RAP1B: variants seen among roughly 807,000 people sequenced by gnomAD.
RAP1B encodes the protein RAP1B, member of RAS oncogene family, also known as ras-related protein Rap-1b.
A neutral mutation model predicts 27.5 loss-of-function variants in RAP1B; 1 was observed. The observed-to-expected ratio is 0.04, with a 90% CI of 0.01 to 0.17. The LOEUF (loss-of-function observed/expected upper bound fraction) is 0.17. RAP1B is among the 10% of genes least tolerant of loss of function. The pLI, the probability that RAP1B is intolerant of heterozygous loss-of-function variation, is 1.00. For missense variants in RAP1B, 84 were observed against 214.8 expected, an observed-to-expected ratio of 0.39 and a Z score of 3.81; for synonymous variants, 75 against 73.1, an observed-to-expected ratio of 1.03 and a Z score of -0.13.
At position 68,616,537 on chromosome 12, in the gene RAP1B, C is replaced by G. The variant is rs578238818; in HGVS notation, c.-27+5494C>G. Reference sequence around the variant, plus strand: ...TCTCAGCTCACTGCAACCTCCGCCTCCAGGTTCAAGCAGATCTCCTGCCTT... The same window carrying G: ...TCTCAGCTCACTGCAACCTCCGCCTGCAGGTTCAAGCAGATCTCCTGCCTT... On this transcript the variant is annotated intron_variant, in intron 1 of 7. Coordinates refer to ENST00000250559, the MANE Select transcript of RAP1B (RefSeq NM_001010942.3). 6.3e-4 allele frequency among the ~76,000 whole-genome samples: 95 copies of G among 150,586 alleles called. 1 individual carries two copies. The highest frequency in any genetic ancestry group is 1.1e-3 in the Non-Finnish European group (75 of 67,750).
intron 1 of RAP1B, among the ~76,000 whole-genome samples, chr12:68,618,781 T>TA: frequency 6.6e-6 from 1 of 152,084 alleles, no homozygotes; most frequent in East Asian, 1.9e-4. Context: ...GATGAAGAAG[T>TA]AAAAAAATTT....
At chr12:68,648,353 T>C (rs1873568339) in intron 1 of RAP1B, among the ~76,000 whole-genome samples, 1 of 152,258 alleles carries the variant, frequency 6.6e-6, no homozygotes, top group African/African-American at 2.4e-5. Flanking sequence ...TAGGCTCTGT[T>C]GTAACTACTT....
intron 1 of RAP1B, among the ~76,000 whole-genome samples, chr12:68,639,134 A>G (rs1224206419): frequency 6.6e-6 from 1 of 152,206 alleles, no homozygotes; most frequent in Admixed American, 6.5e-5. Flanking sequence ...TTGTTGGTTT[A>G]TACAATATTC....
At chr12:68,656,028 A>C (rs532003879) in intron 5 of RAP1B, among the ~76,000 whole-genome samples, 137 of 152,298 alleles carry the variant, frequency 9.0e-4, no homozygotes, top group Non-Finnish European at 1.1e-3. Context: ...CATTTTACTT[A>C]ACATATGAGA....
rs1366176570 is a variant in RAP1B at position 68,661,869 on chromosome 12, C to A, written c.*2620C>A. ...GAATATAAAGTTTGGAGCCAGACTTCCTGGGTTTTTAATCCCAGCTCTTCC... is the reference window on the plus strand; with the variant it reads ...GAATATAAAGTTTGGAGCCAGACTTACTGGGTTTTTAATCCCAGCTCTTCC... On this transcript the variant is annotated 3_prime_UTR_variant, in exon 8 of 8. Transcript: ENST00000250559. 2.0e-5 allele frequency: 3 copies of A among 151,844 alleles called. No individual in the cohort carries two copies. The highest frequency in any genetic ancestry group is 6.6e-5 in the Admixed American group (1 of 15,246). The allele number at this position is 151,844 out of a possible 1,614,324, so 9.4% of individuals were successfully genotyped here. A position where few individuals can be genotyped will look rare whatever the true frequency, so the allele number is the denominator to read the frequency against.
intron 5 of RAP1B, among the ~76,000 whole-genome samples, chr12:68,655,802 C>T (rs1439919715): frequency 1.3e-5 from 2 of 152,218 alleles, no homozygotes; most frequent in African/African-American, 4.8e-5. Flanking sequence ...TCCCAAAGTG[C>T]TGGGATTACA....
rs1875087013 is a variant in RAP1B, at chr12:68,671,363, G to A, written c.*12114G>A. 6.6e-6 allele frequency: 1 copy of A among 152,186 alleles called. No homozygotes were observed. The highest frequency in any genetic ancestry group is 3.4e-3 in the Middle Eastern group (1 of 296). The allele number at this position is 152,186 out of a possible 1,614,324, so 9.4% of individuals were successfully genotyped here. A position where few individuals can be genotyped will look rare whatever the true frequency, so the allele number is the denominator to read the frequency against. On this transcript the variant is annotated 3_prime_UTR_variant, in exon 8 of 8. Coordinates refer to ENST00000250559, the MANE Select transcript of RAP1B (RefSeq NM_001010942.3). ...GATATCTACACCAAGGAAATGAAAG[G>A]AAATGCACAAGATTATTTATTGCCA...
At chr12:68,616,370 C>G (rs1040045901) in intron 1 of RAP1B, among the ~76,000 whole-genome samples, 2 of 151,734 alleles carry the variant, frequency 1.3e-5, no homozygotes, top group African/African-American at 4.8e-5. Flanking sequence ...CCACAGCCTC[C>G]GCCTCCAGGG....
rs1458521551 is a variant in RAP1B, at chr12:68,665,917, G to A, written c.*6668G>A. 3 of 151,434 alleles carry A rather than the reference G, an allele frequency of 2.0e-5. No individual in the cohort carries two copies. Among genetic ancestry groups the A allele is most frequent in the Non-Finnish European group, 4.4e-5 (3 of 68,038 alleles). 9.4% of individuals were successfully genotyped at this position (151,434 alleles called of 1,614,324 possible). On this transcript the variant is annotated 3_prime_UTR_variant, in exon 8 of 8. Coordinates refer to ENST00000250559, the MANE Select transcript of RAP1B (RefSeq NM_001010942.3). ...CACCCAGGCTGGTGTGCAGTGGCGCGATCTCGGCTCACTGCAACCTCCGCC... is the reference window on the plus strand; with the variant it reads ...CACCCAGGCTGGTGTGCAGTGGCGCAATCTCGGCTCACTGCAACCTCCGCC...
chr12:68,632,125 A>ATTTTTTTTTTT (rs1211565843), intron 1 of RAP1B, among the ~76,000 whole-genome samples: 5 of 107,152 alleles, frequency 4.7e-5, no homozygotes, highest in African/African-American at 2.3e-4. Context: ...TGGGTTTTGG[A>ATTTTTTTTTTT]TTTGTTTTTT....
intron 1 of RAP1B, chr12:68,642,660 C>A: frequency 8.8e-7 from 1 of 1,136,072 alleles, no homozygotes; most frequent in Non-Finnish European, 1.3e-6. Context: ...TTCTCATATT[C>A]TACAATCCTG....
At chr12:68,617,487 T>C (rs1218120765) in intron 1 of RAP1B, among the ~76,000 whole-genome samples, 1 of 152,234 alleles carries the variant, frequency 6.6e-6, no homozygotes, top group Non-Finnish European at 1.5e-5. Context: ...CTTGAGATAG[T>C]GTACTGATTT....
intron 1 of RAP1B, among the ~76,000 whole-genome samples, chr12:68,614,986 A>C (rs1359348754): frequency 1.3e-5 from 2 of 152,240 alleles, no homozygotes; most frequent in Admixed American, 6.5e-5. Flanking sequence ...CCAGTTGAGC[A>C]CTGGATTCTA....
chr12:68,646,365 A>G (rs544756015), intron 1 of RAP1B, among the ~76,000 whole-genome samples: 1 of 151,792 alleles, frequency 6.6e-6, no homozygotes, highest in African/African-American at 2.4e-5. Context: ...GCACGATCTC[A>G]GCTTACTGCA....
chr12:68,645,553 A>G (rs1020156816), intron 1 of RAP1B, among the ~76,000 whole-genome samples: 1 of 152,274 alleles, frequency 6.6e-6, no homozygotes, highest in African/African-American at 2.4e-5. Context: ...GGTTATGCCT[A>G]AAGATCACAA....
chr12:68,639,518 G>C (rs1383398865), intron 1 of RAP1B, among the ~76,000 whole-genome samples: 2 of 152,160 alleles, frequency 1.3e-5, no homozygotes, highest in Non-Finnish European at 2.9e-5. Flanking sequence ...ACTGTGGGCT[G>C]AGTTAGTGCA....
intron 3 of RAP1B, chr12:68,651,736 T>C: frequency 2.4e-6 from 1 of 418,900 alleles, no homozygotes. Flanking sequence ...TGAGAATCCA[T>C]ATTGAGACTG....
intron 1 of RAP1B, among the ~76,000 whole-genome samples, chr12:68,644,427 A>G (rs2135952852): frequency 6.6e-6 from 1 of 152,082 alleles, no homozygotes; most frequent in East Asian, 2.0e-4. Context: ...CTAAAAAAAT[A>G]CAAAAAATTA....
At chr12:68,646,566 G>C (rs532777058) in intron 1 of RAP1B, among the ~76,000 whole-genome samples, 1 of 152,168 alleles carries the variant, frequency 6.6e-6, no homozygotes, top group Admixed American at 6.5e-5. Flanking sequence ...AGGATTACAG[G>C]TGTGGGCCAC....
Sources: allele counts gnomAD v4.1 joint callset (sites outside exome capture counted in the v4.1 genomes callset), GRCh38; gene constraint gnomAD v4.1.1; transcripts MANE v1.5; gene names NCBI Gene and HGNC (gene_info 2026-07-23, HGNC 2026-07-21).